The following PPARGC1A variants were observed in gnomAD, a reference collection of about 807,000 sequenced individuals.
The protein encoded by PPARGC1A is PPARG coactivator 1 alpha.
Under a neutral mutation model 88.7 loss-of-function variants are expected in PPARGC1A, and 25 were observed. The observed-to-expected ratio is 0.28, with a 90% confidence interval of 0.21 to 0.39. PPARGC1A has a LOEUF of 0.39. PPARGC1A is among the 10% of genes least tolerant of loss of function. PPARGC1A has a pLI of 1.00. For synonymous variants in PPARGC1A, 363 were observed against 355.6 expected (o/e 1.02, Z -0.24); for missense variants, 880 against 968.7 (o/e 0.91, Z 1.22).
At chr4:24,402,240 G>A in the PPARGC1A span, among the ~76,000 whole-genome samples, 316 of 152,314 alleles carry the variant, frequency 2.1e-3, 2 homozygotes, top group African/African-American at 7.4e-3. Context: ...TTGAGCGGTG[G>A]AGAGAGATAC....
chr4:24,023,695 C>A, the PPARGC1A span, among the ~76,000 whole-genome samples: 1 of 152,198 alleles, frequency 6.6e-6, no homozygotes, highest in African/African-American at 2.4e-5. Flanking sequence ...AAGCAAACAT[C>A]TGTTGAGCTC....
At chr4:24,354,505 G>C in the PPARGC1A span, among the ~76,000 whole-genome samples, 1 of 152,202 alleles carries the variant, frequency 6.6e-6, no homozygotes, top group Non-Finnish European at 1.5e-5. Context: ...TTTTGGAGTA[G>C]TTCTATCATT....
chr4:24,217,595 G>A, the PPARGC1A span, among the ~76,000 whole-genome samples: 4 of 152,266 alleles, frequency 2.6e-5, no homozygotes, highest in South Asian at 8.3e-4. Flanking sequence ...CTGAGGTCAG[G>A]AGTTCAAGGC....
chr4:24,288,246 G>T, the PPARGC1A span, among the ~76,000 whole-genome samples: 2 of 152,160 alleles, frequency 1.3e-5, no homozygotes, highest in African/African-American at 2.4e-5. Flanking sequence ...TCTCCCAGGG[G>T]CAAAGAGCTT....
At chr4:24,404,610 G>A in the PPARGC1A span, among the ~76,000 whole-genome samples, 1 of 152,136 alleles carries the variant, frequency 6.6e-6, no homozygotes, top group East Asian at 1.9e-4. Flanking sequence ...AGCAGAGGGG[G>A]CAACTCAAGG....
chr4:24,171,257 G>A, the PPARGC1A span, among the ~76,000 whole-genome samples: 1 of 151,868 alleles, frequency 6.6e-6, no homozygotes, highest in Non-Finnish European at 1.5e-5. Context: ...AATACAAAAA[G>A]TAGCTGGGCA....
At chr4:23,927,741 C>A in the PPARGC1A span, among the ~76,000 whole-genome samples, 2 of 152,298 alleles carry the variant, frequency 1.3e-5, no homozygotes, top group East Asian at 3.9e-4. Context: ...TTACCCACAT[C>A]AGAAGGGATG....
chr4:24,305,165 A>ATG, the PPARGC1A span, among the ~76,000 whole-genome samples: 1,166 of 148,820 alleles, frequency 7.8e-3, 53 homozygotes, highest in East Asian at 0.12. Flanking sequence ...ACACATATAT[A>ATG]TGTGTGTGTG....
At chr4:24,031,043 C>T in the PPARGC1A span, among the ~76,000 whole-genome samples, 1 of 152,172 alleles carries the variant, frequency 6.6e-6, no homozygotes, top group African/African-American at 2.4e-5. Flanking sequence ...ATTAGTAGGA[C>T]TTGCCTGGGA....
chr4:24,315,942 A>G, the PPARGC1A span, among the ~76,000 whole-genome samples: 8 of 152,352 alleles, frequency 5.3e-5, no homozygotes, highest in South Asian at 1.0e-3. Flanking sequence ...CATAAAGGAT[A>G]GTTCCTATCC....
chr4:23,903,434 T>C (rs1164094500), upstream of PPARGC1A, among the ~76,000 whole-genome samples: 1 of 152,210 alleles, frequency 6.6e-6, no homozygotes, highest in Non-Finnish European at 1.5e-5. Flanking sequence ...ACTTCACTAA[T>C]AGCAAGCCTT....
the PPARGC1A span, among the ~76,000 whole-genome samples, chr4:24,076,790 C>A: frequency 1.3e-5 from 2 of 152,110 alleles, no homozygotes; most frequent in African/African-American, 4.8e-5. Context: ...TCTTACATAC[C>A]CCCATTCACA....
chr4:23,904,757 T>G (rs2148888894), upstream of PPARGC1A, among the ~76,000 whole-genome samples: 1 of 152,324 alleles, frequency 6.6e-6, no homozygotes, highest in South Asian at 2.1e-4. Flanking sequence ...TCAGCTGAGA[T>G]GTACTAAGCC....
chr4:24,141,790 G>A, the PPARGC1A span, among the ~76,000 whole-genome samples: 1 of 152,110 alleles, frequency 6.6e-6, no homozygotes, highest in Non-Finnish European at 1.5e-5. Flanking sequence ...CTCCCTTCAG[G>A]ATCTAAAGAT....
chr4:23,801,925 A>G (rs753095683), intron 11 of PPARGC1A, 44 bp from the exon 12 acceptor site: 3 of 1,607,348 alleles, frequency 1.9e-6, no homozygotes, highest in Middle Eastern at 1.7e-4. Context: ...AAGAAGTATT[A>G]GTATATGGGA....
At chr4:24,065,877 CT>C in the PPARGC1A span, among the ~76,000 whole-genome samples, 5 of 152,274 alleles carry the variant, frequency 3.3e-5, no homozygotes, top group Non-Finnish European at 5.9e-5. Context: ...GTGCTGTGCC[CT>C]TTAAAGGCAA....
the PPARGC1A span, chr4:24,091,578 T>C: frequency 1.0e-6 from 1 of 985,378 alleles, no homozygotes; most frequent in Non-Finnish European, 1.2e-6. Flanking sequence ...CAGCGGCTGT[T>C]ACTCTCTCTC....
At chr4:23,830,540 A>G (rs1724811997) in intron 3 of PPARGC1A, among the ~76,000 whole-genome samples, 2 of 152,240 alleles carry the variant, frequency 1.3e-5, no homozygotes, top group African/African-American at 2.4e-5. Context: ...TACTTATGAG[A>G]TATTCTCCAT....
chr4:24,107,873 C>A, the PPARGC1A span, among the ~76,000 whole-genome samples: 8 of 152,044 alleles, frequency 5.3e-5, no homozygotes, highest in Non-Finnish European at 1.0e-4. Flanking sequence ...ATGAGACTGT[C>A]AATTGTAGAT....
Sources: allele counts gnomAD v4.1 joint callset (sites outside exome capture counted in the v4.1 genomes callset), GRCh38; gene constraint gnomAD v4.1.1; transcripts MANE v1.5; gene names NCBI Gene and HGNC (gene_info 2026-07-23, HGNC 2026-07-21).